Variants in CDH4 observed in about 807,000 individuals in gnomAD.
The protein encoded by CDH4 is cadherin-4.
Under a neutral mutation model 86.0 loss-of-function variants are expected in CDH4, and 33 were observed. That is an observed-to-expected ratio of 0.38 (90% CI 0.29 to 0.51). The LOEUF is 0.51. Among genes scored for constraint, CDH4 ranks in the 20% least tolerant of loss-of-function variants. The probability of loss-of-function intolerance (pLI) is 0.86; values close to 1 mark genes in which losing one functional copy is unlikely to be tolerated. For missense variants in CDH4, 1,114 were observed against 1,307.4 expected (o/e 0.85, Z 2.28); for synonymous variants, 555 against 549.4 (o/e 1.01, Z -0.14).
chr20:61,896,356 C>G (rs1462774753), intron 8 of CDH4, among the ~76,000 whole-genome samples: 1 of 152,256 alleles, frequency 6.6e-6, no homozygotes, highest in East Asian at 1.9e-4. Context: ...CCCCTCGCCA[C>G]AGCGGCCGTC....
chr20:61,366,782 G>A (rs1450571848), intron 2 of CDH4, among the ~76,000 whole-genome samples: 15 of 152,216 alleles, frequency 9.9e-5, no homozygotes, highest in Admixed American at 9.2e-4. Flanking sequence ...CAGCATGGGC[G>A]TTATGGCTGT....
At chr20:61,876,365 G>A (rs1253444139) in intron 7 of CDH4, among the ~76,000 whole-genome samples, 2 of 152,268 alleles carry the variant, frequency 1.3e-5, no homozygotes, top group Non-Finnish European at 2.9e-5. Flanking sequence ...ATGGCTGGCT[G>A]CATGCTGGCC....
chr20:61,413,391 C>G (rs1237642338), intron 2 of CDH4, among the ~76,000 whole-genome samples: 1 of 152,188 alleles, frequency 6.6e-6, no homozygotes, highest in Admixed American at 6.5e-5. Context: ...TGTTCCAAGG[C>G]TGCGTGAGTG....
intron 2 of CDH4, among the ~76,000 whole-genome samples, chr20:61,720,815 T>C (rs988922011): frequency 9.9e-5 from 15 of 152,124 alleles, no homozygotes; most frequent in Admixed American, 5.2e-4. Flanking sequence ...TACCATCACA[T>C]TGAATTGTCT....
intron 2 of CDH4, among the ~76,000 whole-genome samples, chr20:61,741,274 G>T (rs1384722545): frequency 6.6e-6 from 1 of 152,184 alleles, no homozygotes; most frequent in Non-Finnish European, 1.5e-5. Flanking sequence ...GGTCCCCCGG[G>T]CATCACTTCC....
At chr20:61,499,460 T>G in intron 2 of CDH4, 1 of 1,289,116 alleles carries the variant, frequency 7.8e-7, no homozygotes, top group African/African-American at 1.5e-5. Context: ...GACTTCATTC[T>G]CAGCGCCTCC....
chr20:61,559,441 A>G (rs1339471953), intron 2 of CDH4, among the ~76,000 whole-genome samples: 1 of 151,570 alleles, frequency 6.6e-6, no homozygotes, highest in Non-Finnish European at 1.5e-5. Context: ...CGCTGTCGGG[A>G]GGAAGGCGGT....
intron 2 of CDH4, among the ~76,000 whole-genome samples, chr20:61,742,356 G>A (rs1424753230): frequency 2.0e-5 from 3 of 152,168 alleles, no homozygotes; most frequent in Admixed American, 1.3e-4. Context: ...CAAGTAGGAG[G>A]TGCCATTGGC....
chr20:61,912,396 A>G (rs895581198), intron 9 of CDH4, among the ~76,000 whole-genome samples: 1 of 152,208 alleles, frequency 6.6e-6, no homozygotes, highest in Non-Finnish European at 1.5e-5. Context: ...CCTTTTCTTA[A>G]TAACCTCTTT....
intron 3 of CDH4, among the ~76,000 whole-genome samples, chr20:61,749,095 A>G (rs1049146008): frequency 1.2e-4 from 18 of 152,222 alleles, no homozygotes; most frequent in African/African-American, 4.1e-4. Context: ...TGTTAATATC[A>G]GATGAATAGA....
chr20:61,364,606 C>T (rs1465855654), intron 2 of CDH4, among the ~76,000 whole-genome samples: 5 of 152,248 alleles, frequency 3.3e-5, no homozygotes, highest in Admixed American at 2.6e-4. Flanking sequence ...CCTTGGCTCT[C>T]AGACTTCTAC....
chr20:61,794,141 T>TGAAA (rs1979393717), intron 4 of CDH4, among the ~76,000 whole-genome samples: 3 of 33,194 alleles, frequency 9.0e-5, no homozygotes, highest in African/African-American at 5.3e-4. Flanking sequence ...AGACTCTATC[T>TGAAA]CAAAAAAAAA....
intron 2 of CDH4, among the ~76,000 whole-genome samples, chr20:61,683,755 C>T (rs1487737530): frequency 2.6e-5 from 4 of 152,260 alleles, no homozygotes; most frequent in Non-Finnish European, 5.9e-5. Flanking sequence ...TTACCACTCA[C>T]TGTCCTCTTC....
chr20:61,666,791 A>G (rs960003008), intron 2 of CDH4, among the ~76,000 whole-genome samples: 1 of 152,222 alleles, frequency 6.6e-6, no homozygotes, highest in Non-Finnish European at 1.5e-5. Flanking sequence ...CCACAGTGGC[A>G]GGAAGCTGCT....
At chr20:61,813,881 G>A (rs538714297) in intron 4 of CDH4, among the ~76,000 whole-genome samples, 2 of 152,192 alleles carry the variant, frequency 1.3e-5, no homozygotes, top group African/African-American at 4.8e-5. Context: ...CCTGCACAGA[G>A]GGTGGTCTCC....
chr20:61,304,701 T>C (rs951367806), intron 2 of CDH4, among the ~76,000 whole-genome samples: 13 of 152,174 alleles, frequency 8.5e-5, no homozygotes, highest in Non-Finnish European at 1.9e-4. Flanking sequence ...TTCTAGACTA[T>C]GTATGTACTA....
chr20:61,267,041 C>T (rs1196077603), intron 2 of CDH4, among the ~76,000 whole-genome samples: 1 of 152,070 alleles, frequency 6.6e-6, no homozygotes, highest in Non-Finnish European at 1.5e-5. Context: ...AACCACAAGT[C>T]CAGGAATGCC....
At chr20:61,337,323 T>TGGTGATAATAATGAC in intron 2 of CDH4, among the ~76,000 whole-genome samples, 1 of 70 alleles carries the variant, frequency 0.014, no homozygotes, top group African/African-American at 0.042. Flanking sequence ...ATAATAATGA[T>TGGTGATAATAATGAC]GGTGATGATA....
At chr20:61,594,181 TG>T (rs549764148) in intron 2 of CDH4, among the ~76,000 whole-genome samples, 1,460 of 49,314 alleles carry the variant, frequency 0.03, 20 homozygotes, top group Middle Eastern at 0.17. Context: ...GGAAAGGGGG[TG>T]GGGGACTGAC....
Sources: gnomAD v4.1 joint callset for allele counts (sites outside exome capture counted in the v4.1 genomes callset) on GRCh38, gnomAD v4.1.1 for gene constraint, MANE v1.5 for transcripts, NCBI Gene and HGNC (gene_info 2026-07-23, HGNC 2026-07-21) for gene names.